ARRDC3: variants seen among roughly 807,000 people sequenced by gnomAD.
ARRDC3 encodes the protein arrestin domain-containing protein 3.
A neutral mutation model predicts 47.2 loss-of-function variants in ARRDC3; 10 were observed. The observed-to-expected ratio is 0.21, with a 90% CI of 0.13 to 0.36. ARRDC3 has a LOEUF of 0.36. Ranked by LOEUF, ARRDC3 falls within the 10% of genes least tolerant of loss-of-function variation. ARRDC3 has a pLI of 1.00. For missense variants in ARRDC3, 381 were observed against 503.6 expected, an observed-to-expected ratio of 0.76 and a Z score of 2.33; for synonymous variants, 156 against 178.3, an observed-to-expected ratio of 0.87 and a Z score of 1.00.
intron 1 of ARRDC3, among the ~76,000 whole-genome samples, chr5:91,381,199 G>T (rs1388729234): frequency 2.0e-5 from 3 of 149,716 alleles, no homozygotes; most frequent in African/African-American, 7.4e-5. Context: ...CGCGTTGCAG[G>T]GTTTGGGGGG....
intron 6 of ARRDC3, 131 bp from the exon 7 acceptor site, chr5:91,373,969 T>C (rs1003904255): frequency 3.4e-6 from 5 of 1,459,258 alleles, no homozygotes; most frequent in Non-Finnish European, 4.7e-6. Context: ...TATGAAGACA[T>C]ATAATCAAAA....
intron 1 of ARRDC3, 51 bp from the exon 2 acceptor site, chr5:91,378,826 T>TA (rs765605445): frequency 2.4e-6 from 3 of 1,231,664 alleles, no homozygotes; most frequent in Non-Finnish European, 3.5e-6. Flanking sequence ...AACATTTACA[T>TA]ACTCCGCAGG....
In ARRDC3 at chr5:91,369,205, C is replaced by T. The variant is rs1480348107; in HGVS notation, c.*2195G>A. 6.6e-6 allele frequency: 1 copy of T among 152,444 alleles called. No homozygotes were observed. The highest frequency in any genetic ancestry group is 2.4e-5 in the African/African-American group (1 of 41,404). The allele number at this position is 152,444 out of a possible 1,614,324, so 9.4% of individuals were successfully genotyped here. A position where few individuals can be genotyped will look rare whatever the true frequency, so the allele number is the denominator to read the frequency against. ...TGTTATTTGTAAGAGTATATAATGA[C>T]AAGTATTCCAATGCTATGCATATCA... On this transcript the variant is annotated 3_prime_UTR_variant, in exon 8 of 8. Transcript: ENST00000265138.
chr5:91,376,034 A>G (rs558331470), intron 3 of ARRDC3, among the ~76,000 whole-genome samples: 166 of 152,328 alleles, frequency 1.1e-3, no homozygotes, highest in Non-Finnish European at 7.1e-4. Context: ...TAAAAAATCA[A>G]TATGTAAAAA....
In ARRDC3 at chr5:91,371,255, C is replaced by A. The variant is rs937687126; in HGVS notation, c.*145G>T. Reference sequence around the variant, plus strand: ...TTGCTGTAGGCTTCTAAAGCATGATCACTGGTTGTTTCATGTATTCGCCAT... The same window carrying A: ...TTGCTGTAGGCTTCTAAAGCATGATAACTGGTTGTTTCATGTATTCGCCAT... On this transcript the variant is annotated 3_prime_UTR_variant, in exon 8 of 8. Coordinates refer to ENST00000265138, the MANE Select transcript of ARRDC3 (RefSeq NM_020801.4). 11 of 645,824 alleles carry A rather than the reference C, an allele frequency of 1.7e-5. No homozygotes were observed. The African/African-American group carries it at 1.8e-4, about 11-fold the overall frequency. 40.0% of individuals were successfully genotyped at this position (645,824 alleles called of 1,614,324 possible). A position where few individuals can be genotyped will look rare whatever the true frequency, so the allele number is the denominator to read the frequency against.
chr5:91,380,049 C>T (rs1382712067), intron 1 of ARRDC3: 1 of 152,256 alleles, frequency 6.6e-6, no homozygotes, highest in Admixed American at 6.5e-5. Flanking sequence ...CTTTCCCTTT[C>T]TTCCCTCTTC....
intron 2 of ARRDC3, among the ~76,000 whole-genome samples, chr5:91,378,355 T>C (rs1799353851): frequency 6.6e-6 from 1 of 152,130 alleles, no homozygotes; most frequent in Admixed American, 6.5e-5. Context: ...GGGTCTATCT[T>C]TTCTCATAAT....
chr5:91,373,695 G>C lies in ARRDC3; in HGVS notation c.1177C>G (p.Leu393Val), dbSNP rs764316578. 1.2e-5 allele frequency: 19 copies of C among 1,613,604 alleles called. No individual in the cohort carries two copies. The highest frequency in any genetic ancestry group is 1.6e-5 in the Non-Finnish European group (19 of 1,179,742). Residue 393 changes from leucine to valine, a missense_variant, in exon 7 of 8, where the codon CTT becomes GTT. Leu to Val is a conservative substitution (Grantham distance 32). Coordinates refer to ENST00000265138, the MANE Select transcript of ARRDC3 (RefSeq NM_020801.4). Reference sequence around the variant, plus strand: ...GAGTAGGTACTTACCTCTGAATAAAGAGGTGGAGGCAAGAATCGAAACTCC... The same window carrying C: ...GAGTAGGTACTTACCTCTGAATAAACAGGTGGAGGCAAGAATCGAAACTCC... ...IQEFRFLPPP[L>V]YSEIDPNPDQ...
At chr5:91,376,595 G>A in intron 3 of ARRDC3, 26 bp downstream of exon 3, 1 of 1,567,292 alleles carries the variant, frequency 6.4e-7, no homozygotes, top group Non-Finnish European at 8.7e-7. Flanking sequence ...CAAAAACAAA[G>A]AATAAATAAT....
intron 2 of ARRDC3, among the ~76,000 whole-genome samples, chr5:91,378,118 T>C (rs958704121): frequency 2.4e-4 from 36 of 152,118 alleles, no homozygotes; most frequent in African/African-American, 8.2e-4. Flanking sequence ...TTTATATTAA[T>C]GTATCCTTGA....
rs988178086 is a variant in ARRDC3, at chr5:91,374,948, T to C, written c.844A>G (p.Ile282Val). 25 of 1,614,062 alleles carry C rather than the reference T, an allele frequency of 1.5e-5. No homozygotes were observed. Among genetic ancestry groups the C allele is most frequent in the Non-Finnish European group, 2.0e-5 (24 of 1,180,012 alleles). The change falls in exon 5 of 8, where the codon ATA (isoleucine) becomes GTA (valine). Residue 282 changes from isoleucine to valine, a missense_variant. Physicochemically the swap from Ile to Val is conservative, Grantham distance 29 (BLOSUM62 3). Coordinates refer to ENST00000265138, the MANE Select transcript of ARRDC3 (RefSeq NM_020801.4). The part of the protein sequence containing the change: ...PVSPSILDCS[I>V]IRVEYSLMVY... ...ATTAGTGAATATTCCACGCGGATTATACTACAGTCGAGGATAGAGGGAGAA... is the reference window on the plus strand; with the variant it reads ...ATTAGTGAATATTCCACGCGGATTACACTACAGTCGAGGATAGAGGGAGAA...
rs1384743722 is a variant in ARRDC3, at chr5:91,369,804, A to G, written c.*1596T>C. 6.6e-6 allele frequency: 1 copy of G among 152,140 alleles called. No individual in the cohort carries two copies. The highest frequency in any genetic ancestry group is 2.4e-5 in the African/African-American group (1 of 41,428). 9.4% of individuals were successfully genotyped at this position (152,140 alleles called of 1,614,324 possible). On this transcript the variant is annotated 3_prime_UTR_variant, in exon 8 of 8. Transcript: ENST00000265138. ...AATAAGTACACTTGGTACCTTGGAA[A>G]ATGCTGAAATGCTATCATGAATGCT... is the stretch of plus-strand genomic sequence containing the variant.
At chr5:91,373,982 GA>G in intron 6 of ARRDC3, 131 bp downstream of exon 6, 6 of 1,424,396 alleles carry the variant, frequency 4.2e-6, no homozygotes, top group Non-Finnish European at 5.8e-6. Flanking sequence ...AATCAAAACT[GA>G]ATATTAGGGG....
chr5:91,383,187 G>C lies in ARRDC3; in HGVS notation c.-95C>G. 2 of 1,215,074 alleles carry C rather than the reference G, an allele frequency of 1.6e-6. No individual in the cohort carries two copies. Among genetic ancestry groups the C allele is most frequent in the Non-Finnish European group, 2.3e-6 (2 of 886,726 alleles). The allele number at this position is 1,215,074 out of a possible 1,614,324, so 75.3% of individuals were successfully genotyped here. A position where few individuals can be genotyped will look rare whatever the true frequency, so the allele number is the denominator to read the frequency against. Reference sequence around the variant, plus strand: ...TCACTTAACACTGATCGATATTTTTGCCGTGCAAAATGCTTGCAGGCCGGA... The same window carrying C: ...TCACTTAACACTGATCGATATTTTTCCCGTGCAAAATGCTTGCAGGCCGGA... On this transcript the variant is annotated 5_prime_UTR_variant, in exon 1 of 8. Coordinates refer to ENST00000265138, the MANE Select transcript of ARRDC3 (RefSeq NM_020801.4).
Position 91,383,301 on chromosome 5 carries a change from G to A in ARRDC3, c.-209C>T, listed in dbSNP as rs896960676. ...GCTCCGCGCTCCCGCTCGTCTCAGTGGTCTCCTTACAAAGACGGGCGGCTA... is the reference window on the plus strand; with the variant it reads ...GCTCCGCGCTCCCGCTCGTCTCAGTAGTCTCCTTACAAAGACGGGCGGCTA... On this transcript the variant is annotated 5_prime_UTR_variant, in exon 1 of 8. Coordinates refer to ENST00000265138, the MANE Select transcript of ARRDC3 (RefSeq NM_020801.4). 20 of 519,448 alleles carry A rather than the reference G, an allele frequency of 3.9e-5. No homozygotes were observed. The highest frequency in any genetic ancestry group is 5.0e-4 in the Middle Eastern group (1 of 2,018). The allele number at this position is 519,448 out of a possible 1,614,324, so 32.2% of individuals were successfully genotyped here.
intron 1 of ARRDC3, chr5:91,380,817 TA>T (rs1171200936): frequency 6.6e-6 from 1 of 152,270 alleles, no homozygotes. Context: ...TCTACTCAGT[TA>T]AAGCCTGAAG....
In ARRDC3 at chr5:91,383,306, C is replaced by T. The variant is rs1799490498; in HGVS notation, c.-214G>A. 8.4e-6 allele frequency: 4 copies of T among 475,756 alleles called. No individual in the cohort carries two copies. The highest frequency in any genetic ancestry group is 4.0e-5 in the Admixed American group (1 of 24,694). The allele number at this position is 475,756 out of a possible 1,614,324, so 29.5% of individuals were successfully genotyped here. On this transcript the variant is annotated 5_prime_UTR_variant, in exon 1 of 8. Transcript: ENST00000265138. ...GCGCTCCCGCTCGTCTCAGTGGTCT[C>T]CTTACAAAGACGGGCGGCTAAAAGC...
In ARRDC3 at chr5:91,371,234, T is replaced by C; in HGVS notation, c.*166A>G. The C allele has an allele frequency of 1.6e-6, 1 of 607,590 alleles. No homozygotes were observed. Among genetic ancestry groups the C allele is most frequent in the Non-Finnish European group, 2.9e-6 (1 of 344,074 alleles). The allele number at this position is 607,590 out of a possible 1,614,324, so 37.6% of individuals were successfully genotyped here. A position where few individuals can be genotyped will look rare whatever the true frequency, so the allele number is the denominator to read the frequency against. ...TGTTGGAGCAGTCTCAGAATGTTGC[T>C]GTAGGCTTCTAAAGCATGATCACTG... is the stretch of plus-strand genomic sequence containing the variant. On this transcript the variant is annotated 3_prime_UTR_variant, in exon 8 of 8. Coordinates refer to ENST00000265138, the MANE Select transcript of ARRDC3 (RefSeq NM_020801.4).
In ARRDC3 at chr5:91,375,171, T is replaced by A. The variant is rs760334114; in HGVS notation, c.621A>T (p.Ser207=). 3.7e-6 allele frequency: 6 copies of A among 1,612,924 alleles called. No individual in the cohort carries two copies. In the African/African-American group the frequency reaches 4.0e-5, roughly 11 times the overall value. Reference sequence around the variant, plus strand: ...TCTCAATCTCAGCAAATATCTGAATTGATTCACCTAGAGAGGGAAAAATAT... The same window carrying A: ...TCTCAATCTCAGCAAATATCTGAATAGATTCACCTAGAGAGGGAAAAATAT... ...IERKGYTPGE[S]IQIFAEIENC... is the part of the protein sequence containing the mutation. The change falls in exon 5 of 8, where the codon TCA becomes TCT. Residue 207 remains serine (S), a synonymous_variant. Coordinates refer to ENST00000265138, the MANE Select transcript of ARRDC3 (RefSeq NM_020801.4).
Sources: gnomAD v4.1 joint callset for allele counts (sites outside exome capture counted in the v4.1 genomes callset) on GRCh38, gnomAD v4.1.1 for gene constraint, MANE v1.5 for transcripts, NCBI Gene and HGNC (gene_info 2026-07-23, HGNC 2026-07-21) for gene names.